SCRN2: variants seen among roughly 807,000 people sequenced by gnomAD.
SCRN2 encodes secernin-2.
A neutral mutation model predicts 40.1 loss-of-function variants in SCRN2; 30 were observed. The ratio of observed to expected loss-of-function variants is 0.75; its 90% confidence interval spans 0.56 to 1.01. The LOEUF (loss-of-function observed/expected upper bound fraction) is 1.01, where lower values mean the gene tolerates loss of function less well. Among genes scored for constraint, SCRN2 ranks in the 50% least tolerant of loss-of-function variants. The pLI, the probability that SCRN2 is intolerant of heterozygous loss-of-function variation, is 0.00. For synonymous variants in SCRN2, 240 were observed against 233.5 expected (o/e 1.03, Z -0.25); for missense variants, 526 against 564.9 (o/e 0.93, Z 0.70).
In SCRN2 at chr17:47,840,289, C is replaced by T; in HGVS notation, c.258G>A (p.Met86Ile). 8.7e-6 allele frequency: 14 copies of T among 1,614,210 alleles called. No homozygotes were observed. Among genetic ancestry groups the T allele is most frequent in the Non-Finnish European group, 1.2e-5 (14 of 1,180,034 alleles). The change falls in exon 3 of 8, where the codon ATG becomes ATA. Residue 86 changes from methionine to isoleucine, a missense_variant. Physicochemically the swap from Met to Ile is conservative, Grantham distance 10. Transcript: ENST00000290216. ...SRPSWLWGAE[M>I]GANEHGVCIG... ...TGCAGACACCATGCTCGTTGGCGCC[C>T]ATCTCAGCCCCCCATAGCCAAGAAG...
chr17:47,840,561 C>T, intron 2 of SCRN2, 109 bp downstream of exon 2: 2 of 1,329,466 alleles, frequency 1.5e-6, no homozygotes, highest in Non-Finnish European at 2.0e-6. Flanking sequence ...AAAGCTCATG[C>T]TCTTCCACTA....
At position 47,841,219 on chromosome 17, in the gene SCRN2, C is replaced by T. The variant is rs1000443986; in HGVS notation, c.-12G>A. On this transcript the variant is annotated 5_prime_UTR_variant, in exon 1 of 8. Transcript: ENST00000290216. ...TGTATTCCCCTCACCCTCTCTTCCTCCAAGACCCCAGCTCGGTCCCGGGTG... is the reference window on the plus strand; with the variant it reads ...TGTATTCCCCTCACCCTCTCTTCCTTCAAGACCCCAGCTCGGTCCCGGGTG... The T allele has an allele frequency of 1.2e-5, 2 of 169,276 alleles. No homozygotes were observed. The highest frequency in any genetic ancestry group is 4.7e-5 in the African/African-American group (2 of 42,178). The allele number at this position is 169,276 out of a possible 1,614,324, so 10.5% of individuals were successfully genotyped here.
Position 47,839,450 on chromosome 17 carries a change from T to C in SCRN2, c.550A>G (p.Ile184Val), listed in dbSNP as rs1567956680. 2 of 1,612,366 alleles carry C rather than the reference T, an allele frequency of 1.2e-6. No individual in the cohort carries two copies. The highest frequency in any genetic ancestry group is 1.7e-6 in the Non-Finnish European group (2 of 1,179,956). The change falls in exon 4 of 8, where the codon ATC becomes GTC. Residue 184 changes from isoleucine to valine, a missense_variant. By Grantham distance (29) the Ile-to-Val change is conservative (BLOSUM62 3). Transcript: ENST00000290216. Reference sequence around the variant, plus strand: ...GAGAAAGGGAACACCTCACCCTGGATCCTCTGTGCAGCCCAGAGCCTCCCA... The same window carrying C: ...GAGAAAGGGAACACCTCACCCTGGACCCTCTGTGCAGCCCAGAGCCTCCCA... ...TAGRLWAAQR[I>V]QEGARNISNQ...
chr17:47,838,056 T>G (rs1598048266), intron 7 of SCRN2, 54 bp from the exon 8 acceptor site: 1 of 1,582,260 alleles, frequency 6.3e-7, no homozygotes, highest in Non-Finnish European at 8.5e-7. Flanking sequence ...TCCCGCCAGG[T>G]GAAGGGGGGA....
At chr17:47,840,894 G>A (rs1288639179) in intron 1 of SCRN2, 51 bp from the exon 2 acceptor site, 6 of 1,426,624 alleles carry the variant, frequency 4.2e-6, no homozygotes, top group Admixed American at 6.1e-5. Flanking sequence ...CAGCCCCGAG[G>A]AGCAGCCTAC....
At chr17:47,839,034 T>C in intron 4 of SCRN2, 28 bp from the exon 5 acceptor site, 1 of 1,608,980 alleles carries the variant, frequency 6.2e-7, no homozygotes, top group Non-Finnish European at 8.5e-7. Context: ...GAGTGGTTCA[T>C]TTACCATTGA....
chr17:47,839,949 T>C, intron 3 of SCRN2: 1 of 587,884 alleles, frequency 1.7e-6, no homozygotes, highest in Non-Finnish European at 3.0e-6. Context: ...GTTTTATAAA[T>C]TGGGACTCTA....
In SCRN2 at chr17:47,838,283, A is replaced by G. The variant is rs1266322932; in HGVS notation, c.1106T>C (p.Met369Thr). 6.3e-7 allele frequency: 1 copy of G among 1,593,232 alleles called. No homozygotes were observed. The highest frequency in any genetic ancestry group is 1.9e-5 in the Admixed American group (1 of 53,628). Residue 369 changes from methionine to threonine, a missense_variant, in exon 7 of 8, where the codon ATG becomes ACG. Transcript: ENST00000290216. ...CCTGGGGGATACCTGATCTCTCTCC[A>G]TCAGCCCCAGGGCTGCCTGGTGTCC... is the stretch of plus-strand genomic sequence containing the variant. ...YRGHQAALGL[M>T]ERDQDRGQQL... is the part of the protein sequence containing the mutation.
chr17:47,839,987 A>G, intron 3 of SCRN2: 2 of 593,392 alleles, frequency 3.4e-6, no homozygotes. Flanking sequence ...AAATAAATAA[A>G]TAACCACTGC....
In SCRN2 at chr17:47,839,614, T is replaced by G; in HGVS notation, c.386A>C (p.Gln129Pro). 2 of 1,614,054 alleles carry G rather than the reference T, an allele frequency of 1.2e-6. No homozygotes were observed. The highest frequency in any genetic ancestry group is 1.7e-6 in the Non-Finnish European group (2 of 1,180,028). ...CCCTGTGATCACATGCAAGGCCTCC[T>G]GGGCAGAGCTGCTCCGTTCCAAAGC... is the stretch of plus-strand genomic sequence containing the variant. Reference protein sequence around the residue: ...RLALERSSSAQEALHVITGLL... With the variant: ...RLALERSSSAPEALHVITGLL... Residue 129 changes from glutamine (Q) to proline (P), a missense_variant, in exon 4 of 8, where the codon CAG becomes CCG. By Grantham distance (76) the Gln-to-Pro change is moderately conservative (BLOSUM62 -1). Coordinates refer to ENST00000290216, the MANE Select transcript of SCRN2 (RefSeq NM_138355.4).
rs2033718516 is a variant in SCRN2 at position 47,837,769 on chromosome 17, C to T, written c.*75G>A. The T allele has an allele frequency of 6.7e-7, 1 of 1,491,548 alleles. No homozygotes were observed. The highest frequency in any genetic ancestry group is 8.9e-7 in the Non-Finnish European group (1 of 1,127,280). The allele number at this position is 1,491,548 out of a possible 1,614,324, so 92.4% of individuals were successfully genotyped here. ...GGCCAAGGAGCGTGAAGGGATTGCT[C>T]CACTTTACCACCACTCAGGGCACCC... On this transcript the variant is annotated 3_prime_UTR_variant, in exon 8 of 8. Transcript: ENST00000290216.
Position 47,840,304 on chromosome 17 carries a change from T to C in SCRN2, c.243A>G (p.Leu81=), listed in dbSNP as rs377064822. ...CGTTGGCGCCCATCTCAGCCCCCCA[T>C]AGCCAAGAAGGACGGCTCAGAATCA... ...HAVILSRPSW[L]WGAEMGANEH... The change falls in exon 3 of 8, where the codon CTA becomes CTG. Residue 81 remains leucine, a synonymous_variant. Coordinates refer to ENST00000290216, the MANE Select transcript of SCRN2 (RefSeq NM_138355.4). The C allele has an allele frequency of 5.0e-6, 8 of 1,614,030 alleles. No homozygotes were observed. Among genetic ancestry groups the C allele is most frequent in the Non-Finnish European group, 5.1e-6 (6 of 1,180,030 alleles).
chr17:47,839,611 T>C lies in SCRN2; in HGVS notation c.389A>G (p.Glu130Gly), dbSNP rs1452013948. Residue 130 changes from glutamate (E) to glycine (G), a missense_variant, in exon 4 of 8, where the codon GAG becomes GGG. Transcript: ENST00000290216. The stretch of plus-strand genomic sequence containing the variant: ...TAACCCTGTGATCACATGCAAGGCC[T>C]CCTGGGCAGAGCTGCTCCGTTCCAA... ...LALERSSSAQEALHVITGLLE... is the reference protein window; with the variant it reads ...LALERSSSAQGALHVITGLLE... The C allele has an allele frequency of 5.0e-6, 8 of 1,613,942 alleles. No homozygotes were observed. Among genetic ancestry groups the C allele is most frequent in the African/African-American group, 4.0e-5 (3 of 74,926 alleles).
At chr17:47,839,300 A>T in intron 4 of SCRN2, 144 bp downstream of exon 4, 2 of 885,422 alleles carry the variant, frequency 2.3e-6, no homozygotes, top group Non-Finnish European at 1.7e-6. Context: ...GGAAGACTTA[A>T]CCAAGTGAAG....
chr17:47,839,706 G>A, intron 3 of SCRN2, 63 bp from the exon 4 acceptor site: 1 of 1,579,982 alleles, frequency 6.3e-7, no homozygotes, highest in African/African-American at 1.3e-5. Context: ...GGTGGCAGAA[G>A]CTCCAGGGGA....
At chr17:47,839,045 G>T in intron 4 of SCRN2, 39 bp from the exon 5 acceptor site, 1 of 1,602,488 alleles carries the variant, frequency 6.2e-7, no homozygotes. Flanking sequence ...TTACCATTGA[G>T]CATCTATTCT....
rs769199710 is a variant in SCRN2, at chr17:47,837,994, C to T, written c.1128G>A (p.Gly376=). The change falls in exon 8 of 8, where the codon GGG becomes GGA. Residue 376 remains glycine (G), a synonymous_variant. Coordinates refer to ENST00000290216, the MANE Select transcript of SCRN2 (RefSeq NM_138355.4). ...CCTGCTGTTTCTGCTGGAGCTGCTGCCCCCGATCCTGCCCCAAGGGAAAGC... is the reference window on the plus strand; with the variant it reads ...CCTGCTGTTTCTGCTGGAGCTGCTGTCCCCGATCCTGCCCCAAGGGAAAGC... ...LGLMERDQDR[G]QQLQQKQQDL... 5.0e-6 allele frequency: 8 copies of T among 1,606,054 alleles called. No homozygotes were observed. The highest frequency in any genetic ancestry group is 4.4e-5 in the South Asian group (4 of 90,968).
chr17:47,840,281 T>C lies in SCRN2; in HGVS notation c.266A>G (p.Asn89Ser). 5 of 1,614,190 alleles carry C rather than the reference T, an allele frequency of 3.1e-6. No individual in the cohort carries two copies. The highest frequency in any genetic ancestry group is 1.1e-5 in the South Asian group (1 of 91,092). The change falls in exon 3 of 8, where the codon AAC (asparagine) becomes AGC (serine). Residue 89 changes from asparagine to serine, a missense_variant. Physicochemically the swap from Asn to Ser is conservative, Grantham distance 46. Coordinates refer to ENST00000290216, the MANE Select transcript of SCRN2 (RefSeq NM_138355.4). Reference protein sequence around the residue: ...SWLWGAEMGANEHGVCIGNEA... With the variant: ...SWLWGAEMGASEHGVCIGNEA... Reference sequence around the variant, plus strand: ...GTTGCCAATGCAGACACCATGCTCGTTGGCGCCCATCTCAGCCCCCCATAG... The same window carrying C: ...GTTGCCAATGCAGACACCATGCTCGCTGGCGCCCATCTCAGCCCCCCATAG...
chr17:47,840,446 T>C, intron 2 of SCRN2, 74 bp from the exon 3 acceptor site: 1 of 1,505,838 alleles, frequency 6.6e-7, no homozygotes, highest in South Asian at 1.2e-5. Flanking sequence ...CTCTGCCAAT[T>C]ACCTTATAGA....
Sources: allele counts gnomAD v4.1 joint callset, GRCh38; gene constraint gnomAD v4.1.1; transcripts MANE v1.5; gene names NCBI Gene and HGNC (gene_info 2026-07-23, HGNC 2026-07-21).